The following TNNI3K variants were observed in gnomAD, a reference collection of about 807,000 sequenced individuals.
The protein encoded by TNNI3K is TNNI3 interacting kinase.
In TNNI3K, 140 loss-of-function variants were observed where a neutral mutation model predicts 114.5. The observed-to-expected ratio is 1.22, with a 90% confidence interval of 1.07 to 1.41. The LOEUF (loss-of-function observed/expected upper bound fraction) is 1.41, where lower values mean the gene tolerates loss of function less well. Among genes scored for constraint, TNNI3K ranks in the 40% most tolerant of loss-of-function variants. The probability of loss-of-function intolerance (pLI) is 0.00; values close to 1 mark genes in which losing one functional copy is unlikely to be tolerated. For synonymous variants in TNNI3K, 347 were observed against 347.5 expected (o/e 1.00, Z 0.02); for missense variants, 1,125 against 1,007.6 (o/e 1.12, Z -1.58).
At chr1:74,465,032 T>C in intron 21 of TNNI3K, 1 of 1,082,352 alleles carries the variant, frequency 9.2e-7, no homozygotes, top group Non-Finnish European at 1.1e-6. Context: ...TTTCTTGTAT[T>C]TCAGTGTGAA....
chr1:74,273,971 T>G (rs1656511619), intron 5 of TNNI3K, among the ~76,000 whole-genome samples: 1 of 151,904 alleles, frequency 6.6e-6, no homozygotes, highest in African/African-American at 2.4e-5. Flanking sequence ...CTATTACCAT[T>G]GACTTTTGAC....
At chr1:74,514,435 A>G (rs1013193930) in intron 23 of TNNI3K, among the ~76,000 whole-genome samples, 6 of 152,190 alleles carry the variant, frequency 3.9e-5, no homozygotes, top group African/African-American at 1.4e-4. Context: ...GAAAAGGTCC[A>G]TTTTAATAGA....
At chr1:74,407,346 GATTTCTGCCATATCAGA>G (rs1664664305) in intron 17 of TNNI3K, among the ~76,000 whole-genome samples, 1 of 152,176 alleles carries the variant, frequency 6.6e-6, no homozygotes, top group African/African-American at 2.4e-5. Flanking sequence ...ATGCAGCAGG[GATTTCTGCCATATCAGA>G]TACAAGGAAA....
intron 17 of TNNI3K, among the ~76,000 whole-genome samples, chr1:74,402,878 T>G (rs972567754): frequency 1.3e-5 from 2 of 152,226 alleles, no homozygotes; most frequent in African/African-American, 4.8e-5. Flanking sequence ...TTTTTATTTT[T>G]TTTTAGCTCA....
intron 5 of TNNI3K, among the ~76,000 whole-genome samples, chr1:74,306,825 T>A (rs1037783163): frequency 2.6e-5 from 4 of 152,176 alleles, no homozygotes; most frequent in African/African-American, 9.6e-5. Flanking sequence ...GTTTACTCTG[T>A]TGATAGTTTC....
chr1:74,458,794 G>C (rs1667330734), intron 20 of TNNI3K, among the ~76,000 whole-genome samples: 1 of 151,940 alleles, frequency 6.6e-6, no homozygotes, highest in African/African-American at 2.4e-5. Context: ...TTAGATTCAG[G>C]GGGTACATGT....
chr1:74,453,654 T>C (rs1454083265), intron 20 of TNNI3K, among the ~76,000 whole-genome samples: 1 of 152,144 alleles, frequency 6.6e-6, no homozygotes, highest in Non-Finnish European at 1.5e-5. Context: ...TAGGGTCTCT[T>C]TTGCATCTCA....
chr1:74,353,162 G>T (rs77072095), intron 9 of TNNI3K, 104 bp from the exon 10 acceptor site: 12,498 of 1,177,964 alleles, frequency 0.011, 94 homozygotes, highest in Non-Finnish European at 0.012. Flanking sequence ...GGTTATGGGG[G>T]TTATAACTTC....
At chr1:74,252,102 A>G (rs1035523028) in intron 4 of TNNI3K, among the ~76,000 whole-genome samples, 1 of 152,140 alleles carries the variant, frequency 6.6e-6, no homozygotes, top group Admixed American at 6.5e-5. Flanking sequence ...TCTGAACCTC[A>G]CCGTCTGGGA....
intron 24 of TNNI3K, among the ~76,000 whole-genome samples, chr1:74,543,437 A>T (rs1570763617): frequency 6.6e-6 from 1 of 152,236 alleles, no homozygotes; most frequent in South Asian, 2.1e-4. Context: ...GGTATCAGAC[A>T]GTGCTAATTG....
At chr1:74,453,615 A>G (rs149896270) in intron 20 of TNNI3K, among the ~76,000 whole-genome samples, 166 of 152,302 alleles carry the variant, frequency 1.1e-3, no homozygotes, top group Middle Eastern at 3.4e-3. Flanking sequence ...TACACAAGTG[A>G]TAGGGATACA....
In TNNI3K at chr1:74,544,004, G is replaced by A; in HGVS notation, c.*22G>A. 2 of 1,603,660 alleles carry A rather than the reference G, an allele frequency of 1.2e-6. No homozygotes were observed. Among genetic ancestry groups the A allele is most frequent in the Non-Finnish European group, 1.7e-6 (2 of 1,176,182 alleles). On this transcript the variant is annotated 3_prime_UTR_variant, in exon 25 of 25. Coordinates refer to ENST00000326637, the MANE Select transcript of TNNI3K (RefSeq NM_015978.3). The stretch of plus-strand genomic sequence containing the variant: ...CTGACAGCATTCGGCGTATACCTAA[G>A]GAGAGTTTTTTCCCCGAACTGACAG...
chr1:74,261,552 T>C (rs1655676984), intron 4 of TNNI3K, among the ~76,000 whole-genome samples: 1 of 152,132 alleles, frequency 6.6e-6, no homozygotes, highest in Admixed American at 6.5e-5. Flanking sequence ...CTTTAGGTGG[T>C]ATCTAAATTG....
At chr1:74,256,569 G>A (rs1557454368) in intron 4 of TNNI3K, among the ~76,000 whole-genome samples, 2 of 151,668 alleles carry the variant, frequency 1.3e-5, no homozygotes, top group Non-Finnish European at 2.9e-5. Flanking sequence ...TGTCTGACTT[G>A]CCTTTTCATT....
At position 74,489,223 on chromosome 1, in the gene TNNI3K, T is replaced by TA. The variant is rs754423974; in HGVS notation, c.2157dup (p.Glu720ArgfsTer8). On this transcript the variant is annotated frameshift_variant, in exon 22 of 25. Coordinates refer to ENST00000326637, the MANE Select transcript of TNNI3K (RefSeq NM_015978.3). LOFTEE classifies it high-confidence loss of function. ...GAATTTTCTGAAGTTGTCATGAAGT[T>TA]AGAAGAGTGTCTCTGCAACATTGAG... 5.4e-4 allele frequency: 878 copies of TA among 1,612,326 alleles called. No homozygotes were observed. Among genetic ancestry groups the TA allele is most frequent in the Non-Finnish European group, 7.0e-4 (821 of 1,179,264 alleles).
intron 9 of TNNI3K, among the ~76,000 whole-genome samples, chr1:74,344,183 AT>A (rs1190397019): frequency 6.6e-6 from 1 of 152,144 alleles, no homozygotes; most frequent in Admixed American, 6.5e-5. Flanking sequence ...ACATTTCCAG[AT>A]TTTTCTTGTC....
intron 23 of TNNI3K, among the ~76,000 whole-genome samples, chr1:74,515,339 A>T (rs1426582685): frequency 6.6e-6 from 1 of 152,070 alleles, no homozygotes; most frequent in African/African-American, 2.4e-5. Flanking sequence ...ATCATTTGGG[A>T]CTATGCGGAA....
At chr1:74,298,126 A>G (rs560731963) in intron 5 of TNNI3K, among the ~76,000 whole-genome samples, 1 of 152,286 alleles carries the variant, frequency 6.6e-6, no homozygotes, top group South Asian at 2.1e-4. Context: ...TACTTCCTCC[A>G]CTATGGTTGA....
At chr1:74,336,261 T>A in intron 7 of TNNI3K, 112 bp downstream of exon 7, 1 of 1,331,414 alleles carries the variant, frequency 7.5e-7, no homozygotes, top group Non-Finnish European at 9.8e-7. Context: ...TGTAGTCATG[T>A]ACTTATTTGC....
Sources: gnomAD v4.1 joint callset for allele counts (sites outside exome capture counted in the v4.1 genomes callset) on GRCh38, gnomAD v4.1.1 for gene constraint, MANE v1.5 for transcripts, NCBI Gene and HGNC (gene_info 2026-07-23, HGNC 2026-07-21) for gene names.